Variants in ZAN observed in about 807,000 individuals in gnomAD.
ZAN encodes zonadhesin.
A neutral mutation model predicts 286.2 loss-of-function variants in ZAN; 260 were observed. The ratio of observed to expected loss-of-function variants is 0.91; its 90% CI spans 0.82 to 1.01. The LOEUF is 1.01. Ranked by LOEUF, ZAN falls within the 50% of genes least tolerant of loss-of-function variation. ZAN has a pLI of 0.00. For synonymous variants in ZAN, 1,368 were observed against 1,417.5 expected (o/e 0.97, Z 0.79); for missense variants, 3,410 against 3,639.2 (o/e 0.94, Z 1.62).
In ZAN at chr7:100,734,204, G is replaced by C; in HGVS notation, c.36G>C (p.Val12=). Residue 12 remains valine, a synonymous_variant, in exon 2 of 48, where the codon GTG becomes GTC. Transcript: ENST00000613979. ...VPPVWTLLLL[V]GAALFRKEKP... is the part of the protein sequence containing the mutation. Reference sequence around the variant, plus strand: ...CAGTCTGGACTCTGCTGCTTCTGGTGGGGGCTGCCCTTTTCAGGTAAGCTG... The same window carrying C: ...CAGTCTGGACTCTGCTGCTTCTGGTCGGGGCTGCCCTTTTCAGGTAAGCTG... 1 of 1,456,864 alleles carries C rather than the reference G, an allele frequency of 6.9e-7. No individual in the cohort carries two copies. Among genetic ancestry groups the C allele is most frequent in the East Asian group, 2.5e-5 (1 of 40,326 alleles). 90.2% of individuals were successfully genotyped at this position (1,456,864 alleles called of 1,614,324 possible). A position where few individuals can be genotyped will look rare whatever the true frequency, so the allele number is the denominator to read the frequency against.
At chr7:100,770,880 T>C (rs1454380964) in intron 28 of ZAN, among the ~76,000 whole-genome samples, 1 of 152,022 alleles carries the variant, frequency 6.6e-6, no homozygotes, top group Non-Finnish European at 1.5e-5. Flanking sequence ...CTCAGCTCAC[T>C]GCAACCTCTG....
In ZAN at chr7:100,758,630, A is replaced by T; in HGVS notation, c.3551A>T (p.Gln1184Leu). The T allele has an allele frequency of 6.4e-7, 1 of 1,556,770 alleles. No homozygotes were observed. The highest frequency in any genetic ancestry group is 8.7e-7 in the Non-Finnish European group (1 of 1,150,068). The change falls in exon 17 of 48, where the codon CAG becomes CTG. Residue 1184 changes from glutamine (Q) to leucine (L), a missense_variant. By Grantham distance (113) the Gln-to-Leu change is moderately radical (BLOSUM62 -2). This residue lies in a region of ZAN where 1,042 missense variants were observed against 1,058.0 expected (regional missense o/e 0.98). Coordinates refer to ENST00000613979, the MANE Select transcript of ZAN (RefSeq NM_003386.3). ...GGCAAGTGCACTTACATCTTGGCCC[A>T]GCCCTGTGGCAACTCAACAGGTAGG... is the stretch of plus-strand genomic sequence containing the variant. Reference protein sequence around the residue: ...FMGKCTYILAQPCGNSTDPFF... With the variant: ...FMGKCTYILALPCGNSTDPFF...
intron 35 of ZAN, among the ~76,000 whole-genome samples, chr7:100,784,293 C>T (rs1811417519): frequency 6.6e-6 from 1 of 151,856 alleles, no homozygotes; most frequent in African/African-American, 2.4e-5. Context: ...CCACGCTTGG[C>T]TAATTGTTGT....
chr7:100,737,088 C>A lies in ZAN; in HGVS notation c.525+8C>A. The A allele has an allele frequency of 1.3e-6, 2 of 1,488,414 alleles. 1 individual carries two copies. The highest frequency in any genetic ancestry group is 1.8e-6 in the Non-Finnish European group (2 of 1,090,332). The allele number at this position is 1,488,414 out of a possible 1,614,324, so 92.2% of individuals were successfully genotyped here. A position where few individuals can be genotyped will look rare whatever the true frequency, so the allele number is the denominator to read the frequency against. On this transcript the variant is annotated splice_region_variant and intron_variant, in intron 5 of 47. Transcript: ENST00000613979. ...TTCACCCTGCCCACCCGGGTAAGGC[C>A]GGGGACAAATTGTGGGACCTCGGGG...
At chr7:100,786,757 C>T (rs1438209640) in intron 37 of ZAN, among the ~76,000 whole-genome samples, 1 of 151,430 alleles carries the variant, frequency 6.6e-6, no homozygotes, top group Non-Finnish European at 1.5e-5. Context: ...AATTGAAGAT[C>T]AAGGATCCAG....
chr7:100,764,298 T>A, intron 22 of ZAN, 102 bp downstream of exon 22: 1 of 1,368,386 alleles, frequency 7.3e-7, no homozygotes. Context: ...AGATCAGGAG[T>A]TTGGGACCAG....
chr7:100,750,335 C>T (rs932546556), intron 11 of ZAN, among the ~76,000 whole-genome samples: 2 of 151,988 alleles, frequency 1.3e-5, no homozygotes, highest in African/African-American at 4.8e-5. Context: ...CGGGGTTTCA[C>T]CATGTTGGCC....
chr7:100,774,997 G>A (rs572470088), intron 31 of ZAN, among the ~76,000 whole-genome samples: 57 of 152,002 alleles, frequency 3.7e-4, no homozygotes, highest in African/African-American at 1.3e-3. Context: ...GTGCAATCTC[G>A]GCTCACTGCA....
Position 100,779,623 on chromosome 7 carries a change from C to T in ZAN, c.6495C>T (p.Asp2165=). The change falls in exon 35 of 48, where the codon GAC becomes GAT. Residue 2165 remains aspartate, a synonymous_variant. Transcript: ENST00000613979. The stretch of plus-strand genomic sequence containing the variant: ...TAGACCTCACGCCCTTCCTGGTGGA[C>T]TGTGCAAACACCCTCTGTGAGTTCG... ...SRIDLTPFLV[D]CANTLCEFGG... 1 of 1,602,088 alleles carries T rather than the reference C, an allele frequency of 6.2e-7. No individual in the cohort carries two copies. Among genetic ancestry groups the T allele is most frequent in the Non-Finnish European group, 8.5e-7 (1 of 1,174,540 alleles).
chr7:100,767,871 A>G lies in ZAN; in HGVS notation c.4901A>G (p.Gln1634Arg), dbSNP rs769843408. The change falls in exon 26 of 48, where the codon CAA becomes CGA. Residue 1634 changes from glutamine (Q) to arginine (R), a missense_variant. Gln to Arg is a conservative substitution (Grantham distance 43). Transcript: ENST00000613979. ...GTGGCCCTACCTGTGTGGCTTGCAC[A>G]AGGCCGGGTGACCATAAGGCTCAGC... is the stretch of plus-strand genomic sequence containing the variant. ...HRVALPVWLA[Q>R]GRVTIRLSSN... The G allele has an allele frequency of 2.8e-5, 45 of 1,613,854 alleles. No individual in the cohort carries two copies. The highest frequency in any genetic ancestry group is 3.6e-5 in the Non-Finnish European group (43 of 1,179,882).
rs2116085204 is a variant in ZAN, at chr7:100,769,863, T to C, written c.5154-17T>C. ...CACCCAACCTGTAGCCCTCAGTTTCTATTCTCTCTCATTTAGCTGTTTCCT... is the reference window on the plus strand; with the variant it reads ...CACCCAACCTGTAGCCCTCAGTTTCCATTCTCTCTCATTTAGCTGTTTCCT... On this transcript the variant is annotated splice_polypyrimidine_tract_variant and intron_variant, in intron 27 of 47. Coordinates refer to ENST00000613979, the MANE Select transcript of ZAN (RefSeq NM_003386.3). 1 of 1,551,736 alleles carries C rather than the reference T, an allele frequency of 6.4e-7. No individual in the cohort carries two copies. Among genetic ancestry groups the C allele is most frequent in the East Asian group, 2.4e-5 (1 of 40,992 alleles).
chr7:100,737,493 T>C, intron 6 of ZAN, 144 bp downstream of exon 6: 1 of 554,964 alleles, frequency 1.8e-6, no homozygotes, highest in South Asian at 2.3e-5. Context: ...GATCACGAGG[T>C]CAAGAGATAG....
intron 22 of ZAN, 42 bp downstream of exon 22, chr7:100,764,238 C>T: frequency 2.7e-6 from 4 of 1,470,036 alleles, no homozygotes; most frequent in Non-Finnish European, 3.6e-6. Context: ...GGCACGGTGG[C>T]TCACACCTAT....
At chr7:100,771,625 T>A (rs2116106378) in intron 28 of ZAN, among the ~76,000 whole-genome samples, 1 of 152,102 alleles carries the variant, frequency 6.6e-6, no homozygotes, top group Middle Eastern at 3.4e-3. Flanking sequence ...AGAGATTGGG[T>A]TTCACCATGA....
At chr7:100,747,425 T>G in intron 8 of ZAN, 125 bp from the exon 9 acceptor site, 1 of 712,366 alleles carries the variant, frequency 1.4e-6, no homozygotes, top group Non-Finnish European at 2.4e-6. Context: ...AAAAGAAGAT[T>G]GTGCTTTCAT....
chr7:100,752,724 C>A lies in ZAN; in HGVS notation c.2619C>A (p.Ile873=). Residue 873 remains isoleucine, a synonymous_variant, in exon 14 of 48, where the codon ATC becomes ATA. Transcript: ENST00000613979. ...CCATCTCCCCAGAAAAACTCACCAT[C>A]CCCACGGAAAAACTCACCATCCCCA... ...KPTISPEKLT[I]PTEKLTIPTE... 3 of 1,544,608 alleles carry A rather than the reference C, an allele frequency of 1.9e-6. No individual in the cohort carries two copies. Among genetic ancestry groups the A allele is most frequent in the Non-Finnish European group, 1.8e-6 (2 of 1,134,132 alleles).
chr7:100,774,250 A>G (rs1430807985), intron 31 of ZAN, among the ~76,000 whole-genome samples: 1 of 152,068 alleles, frequency 6.6e-6, no homozygotes, highest in East Asian at 1.9e-4. Flanking sequence ...TTAGCCTATA[A>G]TCCCAGCTAC....
At chr7:100,740,106 C>G (rs1355439614) in intron 7 of ZAN, among the ~76,000 whole-genome samples, 1 of 139,850 alleles carries the variant, frequency 7.2e-6, no homozygotes, top group Non-Finnish European at 1.6e-5. Flanking sequence ...GTGGGGCTGT[C>G]GGGGAAGGAG....
chr7:100,793,962 C>T lies in ZAN; in HGVS notation c.7930C>T (p.His2644Tyr), dbSNP rs1434895945. The part of the protein sequence containing the change: ...RQHPRLCLQW[H>Y]PEPPLADCGC... Reference sequence around the variant, plus strand: ...GCATCCCAGGCTATGCCTACAGTGGCACCCAGAGCCTCCCCTGGCTGACTG... The same window carrying T: ...GCATCCCAGGCTATGCCTACAGTGGTACCCAGAGCCTCCCCTGGCTGACTG... Residue 2644 changes from histidine to tyrosine, a missense_variant, in exon 43 of 48, where the codon CAC becomes TAC. By Grantham distance (83) the His-to-Tyr change is moderately conservative. Around this residue, in one of 7 missense-constraint regions of ZAN, gnomAD observed 1,289 missense variants for 1,314.3 expected, o/e 0.98. Transcript: ENST00000613979. 1 of 1,613,846 alleles carries T rather than the reference C, an allele frequency of 6.2e-7. No individual in the cohort carries two copies. Among genetic ancestry groups the T allele is most frequent in the South Asian group, 1.1e-5 (1 of 91,080 alleles).
Sources: allele counts gnomAD v4.1 joint callset (sites outside exome capture counted in the v4.1 genomes callset), GRCh38; gene constraint gnomAD v4.1.1; regional missense constraint gnomAD v4.1.1; transcripts MANE v1.5; gene names NCBI Gene and HGNC (gene_info 2026-07-23, HGNC 2026-07-21).